BACE2: variants seen among roughly 807,000 people sequenced by gnomAD.
The protein encoded by BACE2 is 56 kDa aspartic-like protease.
A neutral mutation model predicts 46.2 loss-of-function variants in BACE2; 17 were observed. The ratio of observed to expected loss-of-function variants is 0.37; its 90% CI spans 0.25 to 0.55. The LOEUF is 0.55. Among genes scored for constraint, BACE2 ranks in the 20% least tolerant of loss-of-function variants. The pLI is 0.82. For missense variants in BACE2, 595 were observed against 698.1 expected, an observed-to-expected ratio of 0.85 and a Z score of 1.66; for synonymous variants, 277 against 295.9, an observed-to-expected ratio of 0.94 and a Z score of 0.66.
At chr21:41,224,106 T>C (rs1986736347) in intron 1 of BACE2, among the ~76,000 whole-genome samples, 1 of 151,974 alleles carries the variant, frequency 6.6e-6, no homozygotes, top group Admixed American at 6.6e-5. Context: ...TGCTGATGGG[T>C]CAGCTCAGAG....
At chr21:41,241,385 TG>T (rs1434434414) in intron 3 of BACE2, among the ~76,000 whole-genome samples, 1 of 152,168 alleles carries the variant, frequency 6.6e-6, no homozygotes, top group Non-Finnish European at 1.5e-5. Context: ...CTCATTTGCA[TG>T]GTGGACAGCT....
chr21:41,252,818 T>C (rs1987678092), intron 7 of BACE2, among the ~76,000 whole-genome samples: 1 of 152,214 alleles, frequency 6.6e-6, no homozygotes, highest in South Asian at 2.1e-4. Context: ...TACTGCCTTT[T>C]CCCATTTTCA....
At chr21:41,189,366 GTTC>G (rs1568861317) in intron 1 of BACE2, among the ~76,000 whole-genome samples, 1 of 152,028 alleles carries the variant, frequency 6.6e-6, no homozygotes, top group Non-Finnish European at 1.5e-5. Context: ...TGTCTTTTTG[GTTC>G]TTCTCTCCAT....
intron 6 of BACE2, among the ~76,000 whole-genome samples, chr21:41,247,127 G>C (rs1987493001): frequency 6.6e-6 from 1 of 152,190 alleles, no homozygotes; most frequent in Non-Finnish European, 1.5e-5. Context: ...TGAATTCAAA[G>C]AGTGGCCGAT....
chr21:41,208,549 AG>A (rs1380788961), intron 1 of BACE2, among the ~76,000 whole-genome samples: 2 of 152,088 alleles, frequency 1.3e-5, no homozygotes, highest in African/African-American at 4.8e-5. Flanking sequence ...AGTCCATTCG[AG>A]GGAGGAGCTG....
At chr21:41,189,361 T>G (rs1985489246) in intron 1 of BACE2, among the ~76,000 whole-genome samples, 1 of 152,212 alleles carries the variant, frequency 6.6e-6, no homozygotes, top group Non-Finnish European at 1.5e-5. Context: ...TTGTCTGTCT[T>G]TTTGGTTCTT....
At chr21:41,254,577 C>G (rs1987727561) in intron 7 of BACE2, among the ~76,000 whole-genome samples, 1 of 152,224 alleles carries the variant, frequency 6.6e-6, no homozygotes, top group Non-Finnish European at 1.5e-5. Flanking sequence ...TACTCAGCTG[C>G]TGTACTCTCT....
rs1280753830 is a variant in BACE2, at chr21:41,271,497, T to C, written c.1304-3874T>C. On this transcript the variant is annotated intron_variant, in intron 8 of 8. Transcript: ENST00000330333. Reference sequence around the variant, plus strand: ...ATTTATATTTAATGTATGATTGATATGTCTGTGTTTAACCAGTAACACAAC... The same window carrying C: ...ATTTATATTTAATGTATGATTGATACGTCTGTGTTTAACCAGTAACACAAC... Among the ~76,000 whole-genome samples, 3 of 152,238 alleles carry C rather than the reference T, an allele frequency of 2.0e-5. 1 individual carries two copies. The highest frequency in any genetic ancestry group is 1.3e-4 in the Admixed American group (2 of 15,280).
At chr21:41,212,650 T>C (rs1049144824) in intron 1 of BACE2, among the ~76,000 whole-genome samples, 3 of 151,702 alleles carry the variant, frequency 2.0e-5, no homozygotes, top group Non-Finnish European at 4.4e-5. Context: ...GCCTGGGGAG[T>C]AAGGGAGCAA....
chr21:41,238,740 G>A (rs1447091979), intron 3 of BACE2, among the ~76,000 whole-genome samples: 1 of 145,842 alleles, frequency 6.9e-6, no homozygotes, highest in African/African-American at 2.6e-5. Flanking sequence ...ACTCATAGGT[G>A]GGAATTGAAC....
intron 6 of BACE2, among the ~76,000 whole-genome samples, chr21:41,247,670 G>A (rs1487016581): frequency 1.3e-5 from 2 of 152,252 alleles, no homozygotes; most frequent in African/African-American, 4.8e-5. Context: ...GCGGGGCCGT[G>A]GGGCGCTCGC....
chr21:41,228,918 T>C (rs996555650), intron 2 of BACE2, among the ~76,000 whole-genome samples: 5 of 152,154 alleles, frequency 3.3e-5, no homozygotes, highest in Non-Finnish European at 7.4e-5. Flanking sequence ...GAAAAGATGG[T>C]ATGCATATGT....
intron 1 of BACE2, chr21:41,176,783 C>T (rs1984862263): frequency 1.3e-5 from 2 of 152,142 alleles, no homozygotes; most frequent in Admixed American, 6.5e-5. Flanking sequence ...TTGAGATTTC[C>T]AGTCTATCAC....
At chr21:41,170,861 T>C (rs1487481363) in intron 1 of BACE2, among the ~76,000 whole-genome samples, 1 of 152,246 alleles carries the variant, frequency 6.6e-6, no homozygotes, top group Non-Finnish European at 1.5e-5. Flanking sequence ...AGCACTGCGC[T>C]CTGTGCTTTA....
chr21:41,177,946 A>G (rs562580420), intron 1 of BACE2: 3 of 152,260 alleles, frequency 2.0e-5, no homozygotes, highest in African/African-American at 7.2e-5. Context: ...GGCTCCATGG[A>G]TCTCAACCTG....
intron 5 of BACE2, among the ~76,000 whole-genome samples, chr21:41,245,013 C>T (rs987434801): frequency 6.6e-6 from 1 of 151,956 alleles, no homozygotes; most frequent in African/African-American, 2.4e-5. Flanking sequence ...ACAACAAATC[C>T]CAGGACATCT....
chr21:41,234,063 G>A (rs1987040908), intron 2 of BACE2, among the ~76,000 whole-genome samples: 1 of 152,170 alleles, frequency 6.6e-6, no homozygotes, highest in Admixed American at 6.5e-5. Context: ...ACCATGTATT[G>A]TGGGAGGGAC....
At position 41,281,770 on chromosome 21, in the gene BACE2, T is replaced by C. The variant is rs562056874; in HGVS notation, c.*6146T>C. 2 of 152,346 alleles carry C rather than the reference T, an allele frequency of 1.3e-5. No homozygotes were observed. The highest frequency in any genetic ancestry group is 4.1e-4 in the South Asian group (2 of 4,832). 9.4% of individuals were successfully genotyped at this position (152,346 alleles called of 1,614,324 possible). On this transcript the variant is annotated 3_prime_UTR_variant, in exon 9 of 9. Transcript: ENST00000330333. The stretch of plus-strand genomic sequence containing the variant: ...TTTCTTAACAAATTTAATACAATTT[T>C]GTGTTCTTTGTTGCTAGTGGTATAA...
chr21:41,216,420 T>A (rs181514676), intron 1 of BACE2, among the ~76,000 whole-genome samples: 1 of 152,352 alleles, frequency 6.6e-6, no homozygotes, highest in Non-Finnish European at 1.5e-5. Flanking sequence ...TCTTGAAAAC[T>A]AGCTTTTGCT....
Sources: gnomAD v4.1 joint callset for allele counts (sites outside exome capture counted in the v4.1 genomes callset) on GRCh38, gnomAD v4.1.1 for gene constraint, MANE v1.5 for transcripts, NCBI Gene and HGNC (gene_info 2026-07-23, HGNC 2026-07-21) for gene names.